FARP1: variants seen among roughly 807,000 people sequenced by gnomAD.
FARP1 encodes the protein FERM, ARH/RhoGEF and pleckstrin domain protein 1.
In FARP1, 52 loss-of-function variants were observed where a neutral mutation model predicts 128.8. That is an observed-to-expected ratio of 0.40 (90% confidence interval 0.32 to 0.51). FARP1 has a LOEUF of 0.51. FARP1 is among the 20% of genes least tolerant of loss of function. The pLI is 0.45. For synonymous variants in FARP1, 580 were observed against 551.8 expected, an observed-to-expected ratio of 1.05 and a Z score of -0.72; for missense variants, 1,333 against 1,367.9, an observed-to-expected ratio of 0.97 and a Z score of 0.40.
At chr13:98,261,261 A>G (rs1883866456) in intron 2 of FARP1, among the ~76,000 whole-genome samples, 1 of 152,180 alleles carries the variant, frequency 6.6e-6, no homozygotes, top group Non-Finnish European at 1.5e-5. Context: ...AAGTGCTGGC[A>G]GAGCTCATGT....
intron 2 of FARP1, chr13:98,334,278 C>T (rs1887645405): frequency 6.6e-6 from 1 of 152,212 alleles, no homozygotes; most frequent in Non-Finnish European, 1.5e-5. Flanking sequence ...CATCTGGTCT[C>T]AAGTGTCCAG....
rs1056215487 is a variant in FARP1, at chr13:98,448,458, C to T, written c.*141C>T. 9 of 698,682 alleles carry T rather than the reference C, an allele frequency of 1.3e-5. No homozygotes were observed. The highest frequency in any genetic ancestry group is 2.5e-5 in the Admixed American group (1 of 40,114). The allele number at this position is 698,682 out of a possible 1,614,324, so 43.3% of individuals were successfully genotyped here. On this transcript the variant is annotated 3_prime_UTR_variant, in exon 27 of 27. Coordinates refer to ENST00000319562, the MANE Select transcript of FARP1 (RefSeq NM_005766.4). ...CCAGCAGCTCTCCTGTCTCCACAGC[C>T]GCGTTTTTTAACCCCGACCTCTCAG... is the stretch of plus-strand genomic sequence containing the variant.
At chr13:98,164,540 G>A (rs1199067678) in intron 1 of FARP1, among the ~76,000 whole-genome samples, 1 of 152,198 alleles carries the variant, frequency 6.6e-6, no homozygotes, top group East Asian at 1.9e-4. Context: ...CAACACATCT[G>A]TGGCCTTCAT....
At chr13:98,422,463 A>T (rs1210414294) in intron 16 of FARP1, among the ~76,000 whole-genome samples, 1 of 152,208 alleles carries the variant, frequency 6.6e-6, no homozygotes, top group East Asian at 1.9e-4. Context: ...CCACCAGCAC[A>T]CAGGGCAGCA....
At chr13:98,315,229 C>T (rs112823581) in intron 2 of FARP1, among the ~76,000 whole-genome samples, 152 of 152,254 alleles carry the variant, frequency 1.0e-3, no homozygotes, top group African/African-American at 3.4e-3. Flanking sequence ...ACACCTCAGC[C>T]TCCTGAGTAG....
At chr13:98,165,838 C>T (rs972665596) in intron 1 of FARP1, among the ~76,000 whole-genome samples, 4 of 150,032 alleles carry the variant, frequency 2.7e-5, no homozygotes, top group Admixed American at 6.7e-5. Context: ...CTGCCTCAGC[C>T]TCCAGAGTAG....
intron 3 of FARP1, among the ~76,000 whole-genome samples, chr13:98,350,042 A>C (rs1392044331): frequency 6.6e-6 from 1 of 152,104 alleles, no homozygotes; most frequent in Non-Finnish European, 1.5e-5. Flanking sequence ...GGGAGGTGTA[A>C]AGGATGGAGA....
At chr13:98,315,397 C>G (rs191615128) in intron 2 of FARP1, among the ~76,000 whole-genome samples, 1 of 152,160 alleles carries the variant, frequency 6.6e-6, no homozygotes, top group Admixed American at 6.5e-5. Flanking sequence ...GAGCACCCCT[C>G]CCAGACAAGG....
intron 1 of FARP1, among the ~76,000 whole-genome samples, chr13:98,167,052 A>T (rs1472244016): frequency 6.6e-6 from 1 of 151,978 alleles, no homozygotes; most frequent in East Asian, 1.9e-4. Context: ...GTCATTTTGC[A>T]CTTTTCTTAC....
In FARP1 at chr13:98,419,483, TACACACACAC is replaced by T. The variant is rs57751374; in HGVS notation, c.1827-5064_1827-5055del. Among the ~76,000 whole-genome samples the T allele has an allele frequency of 4.4e-3, 610 of 140,046 alleles. 8 individuals carry two copies. Among genetic ancestry groups the T allele is most frequent in the African/African-American group, 0.015 (565 of 37,110 alleles). The allele number at this position is 140,046 out of a possible 152,430, so 91.9% of individuals were successfully genotyped here. ...ACGAGACTCTGTCTCCAAAAAAAAA[TACACACACAC>T]ACACACACACACACACACACACACT... On this transcript the variant is annotated intron_variant, in intron 16 of 26. Transcript: ENST00000319562.
At chr13:98,387,901 C>T (rs1188832851) in intron 8 of FARP1, among the ~76,000 whole-genome samples, 6 of 152,178 alleles carry the variant, frequency 3.9e-5, no homozygotes, top group Non-Finnish European at 7.3e-5. Flanking sequence ...CTCTTTCTGC[C>T]ACATTAAACG....
chr13:98,289,229 C>G (rs1375651614), intron 2 of FARP1, among the ~76,000 whole-genome samples: 1 of 152,088 alleles, frequency 6.6e-6, no homozygotes, highest in Admixed American at 6.5e-5. Flanking sequence ...TTAATCCGAT[C>G]ATACCTTTCT....
chr13:98,454,639 AGAG>A lies in FARP1; in HGVS notation c.*6326_*6328del, dbSNP rs1281229031. 1 of 152,242 alleles carries A rather than the reference AGAG, an allele frequency of 6.6e-6. No individual in the cohort carries two copies. The allele number at this position is 152,242 out of a possible 1,614,324, so 9.4% of individuals were successfully genotyped here. A position where few individuals can be genotyped will look rare whatever the true frequency, so the allele number is the denominator to read the frequency against. Reference sequence around the variant, plus strand: ...GACAGAAAGGCTCTGAAAATGCTTCAGAGGAGAGGCGGCTCTCATTTTTCCTAC... The same window carrying A: ...GACAGAAAGGCTCTGAAAATGCTTCAGAGAGGCGGCTCTCATTTTTCCTAC... On this transcript the variant is annotated 3_prime_UTR_variant, in exon 27 of 27. Coordinates refer to ENST00000319562, the MANE Select transcript of FARP1 (RefSeq NM_005766.4).
chr13:98,241,780 G>A (rs1221419312), intron 2 of FARP1, among the ~76,000 whole-genome samples: 1 of 152,132 alleles, frequency 6.6e-6, no homozygotes, highest in Non-Finnish European at 1.5e-5. Context: ...TTAGCTGAGC[G>A]TGGTGGTGCA....
chr13:98,430,911 A>T, intron 17 of FARP1, 132 bp from the exon 18 acceptor site: 1 of 659,306 alleles, frequency 1.5e-6, no homozygotes, highest in South Asian at 1.9e-5. Flanking sequence ...GAACAATGTG[A>T]AATTTAAGGA....
In FARP1 at chr13:98,326,452, A is replaced by ATTT. The variant is rs1280909206; in HGVS notation, c.172-17310_172-17309insTTT. Among the ~76,000 whole-genome samples, 6 of 152,266 alleles carry ATTT rather than the reference A, an allele frequency of 3.9e-5. No individual in the cohort carries two copies. The East Asian group carries it at 1.2e-3, about 29-fold the overall frequency. The stretch of plus-strand genomic sequence containing the variant: ...CAATCTGAAACCCTATTCCCACTCA[A>ATTT]CAACTTCCCATTTCCCCCTCCCTTG... On this transcript the variant is annotated intron_variant, in intron 2 of 26. Coordinates refer to ENST00000319562, the MANE Select transcript of FARP1 (RefSeq NM_005766.4).
At chr13:98,352,578 T>C (rs1204649905) in intron 3 of FARP1, among the ~76,000 whole-genome samples, 1 of 152,190 alleles carries the variant, frequency 6.6e-6, no homozygotes, top group Admixed American at 6.5e-5. Flanking sequence ...CTGGGAGCTT[T>C]GAAAAGCTAC....
intron 2 of FARP1, among the ~76,000 whole-genome samples, chr13:98,236,948 C>T (rs935872067): frequency 7.2e-5 from 11 of 152,070 alleles, no homozygotes; most frequent in Non-Finnish European, 1.2e-4. Context: ...GCCAAGACTG[C>T]GCCATTGCAC....
chr13:98,347,835 G>A (rs1888244274), intron 3 of FARP1, among the ~76,000 whole-genome samples: 1 of 152,156 alleles, frequency 6.6e-6, no homozygotes, highest in African/African-American at 2.4e-5. Flanking sequence ...CAATCATAGG[G>A]CTGTAACAAC....
Sources: gnomAD v4.1 joint callset for allele counts (sites outside exome capture counted in the v4.1 genomes callset) on GRCh38, gnomAD v4.1.1 for gene constraint, MANE v1.5 for transcripts, NCBI Gene and HGNC (gene_info 2026-07-23, HGNC 2026-07-21) for gene names.